SNX24: variants seen among roughly 807,000 people sequenced by gnomAD.
The protein encoded by SNX24 is sorting nexin-24.
In SNX24, 22 loss-of-function variants were observed where a neutral mutation model predicts 28.7. The ratio of observed to expected loss-of-function variants is 0.77; its 90% confidence interval spans 0.55 to 1.10. SNX24 has a LOEUF of 1.10. SNX24 is among the 50% of genes least tolerant of loss of function. The probability of loss-of-function intolerance (pLI) is 0.00; values close to 1 mark genes in which losing one functional copy is unlikely to be tolerated. For synonymous variants in SNX24, 69 were observed against 71.5 expected (o/e 0.96, Z 0.18); for missense variants, 221 against 201.1 (o/e 1.10, Z -0.60).
intron 1 of SNX24, among the ~76,000 whole-genome samples, chr5:122,860,550 A>G (rs1028153165): frequency 4.6e-5 from 7 of 152,198 alleles, no homozygotes; most frequent in African/African-American, 1.7e-4. Context: ...ACTAACAGTG[A>G]GAGGTGCATA....
intron 2 of SNX24, among the ~76,000 whole-genome samples, chr5:122,940,498 TA>T (rs1759394585): frequency 6.6e-6 from 1 of 152,192 alleles, no homozygotes; most frequent in African/African-American, 2.4e-5. Context: ...CCCTCAAGGC[TA>T]ATAATCTTAA....
chr5:123,006,584 A>G (rs1762427248), intron 6 of SNX24, among the ~76,000 whole-genome samples: 1 of 152,226 alleles, frequency 6.6e-6, no homozygotes, highest in African/African-American at 2.4e-5. Context: ...AAACTCCCTC[A>G]GTAGCTTCCC....
intron 5 of SNX24, among the ~76,000 whole-genome samples, chr5:123,021,305 C>A (rs1249358367): frequency 1.3e-5 from 2 of 152,164 alleles, no homozygotes; most frequent in Non-Finnish European, 2.9e-5. Context: ...TCCCACCCTA[C>A]AATATTGATA....
At chr5:123,023,836 A>ACC (rs1554081589) in intron 5 of SNX24, 37 of 1,602,732 alleles carry the variant, frequency 2.3e-5, no homozygotes, top group African/African-American at 6.8e-5. Context: ...ACACACACAC[A>ACC]CCCCTGCCAA....
intron 1 of SNX24, among the ~76,000 whole-genome samples, chr5:122,850,551 A>T (rs1383343027): frequency 6.6e-6 from 1 of 152,178 alleles, no homozygotes; most frequent in Non-Finnish European, 1.5e-5. Context: ...AGCGTTGAAC[A>T]TGGAAAGGAA....
At chr5:122,985,224 C>T (rs1761550401) in intron 3 of SNX24, among the ~76,000 whole-genome samples, 1 of 152,136 alleles carries the variant, frequency 6.6e-6, no homozygotes, top group Non-Finnish European at 1.5e-5. Context: ...TAGTCAGCCA[C>T]AGCATGACCT....
intron 1 of SNX24, among the ~76,000 whole-genome samples, chr5:122,926,136 A>T (rs1241725544): frequency 1.3e-5 from 2 of 152,196 alleles, no homozygotes; most frequent in Admixed American, 1.3e-4. Flanking sequence ...TGGGTAGATA[A>T]CACCTCTCTG....
intron 1 of SNX24, among the ~76,000 whole-genome samples, chr5:122,869,401 C>T (rs763355893): frequency 4.1e-4 from 62 of 152,222 alleles, no homozygotes; most frequent in Non-Finnish European, 6.9e-4. Flanking sequence ...ATTCAGATAC[C>T]AGGAAACCTG....
chr5:122,877,387 A>G (rs1163729868), intron 1 of SNX24, among the ~76,000 whole-genome samples: 2 of 152,154 alleles, frequency 1.3e-5, no homozygotes, highest in African/African-American at 4.8e-5. Context: ...GGTATGCAGA[A>G]TGTTTCCAAA....
intron 1 of SNX24, among the ~76,000 whole-genome samples, chr5:122,876,958 G>A (rs1321845601): frequency 6.6e-6 from 1 of 152,208 alleles, no homozygotes; most frequent in Non-Finnish European, 1.5e-5. Context: ...GAGGTCAGTG[G>A]TGGTTAGAGA....
intron 5 of SNX24, among the ~76,000 whole-genome samples, chr5:123,018,202 G>A (rs1223619873): frequency 6.6e-6 from 1 of 151,914 alleles, no homozygotes; most frequent in Non-Finnish European, 1.5e-5. Flanking sequence ...CAGGAGTTCT[G>A]AAGTCTTTGT....
chr5:122,946,014 G>GA, intron 2 of SNX24, 41 bp from the exon 3 acceptor site: 1 of 877,522 alleles, frequency 1.1e-6, no homozygotes. Flanking sequence ...AGACATCTCT[G>GA]TTTTTTTTTT....
intron 1 of SNX24, among the ~76,000 whole-genome samples, chr5:122,867,145 T>C (rs961119437): frequency 1.3e-5 from 2 of 152,334 alleles, no homozygotes; most frequent in East Asian, 3.9e-4. Flanking sequence ...TAGCTAGCAC[T>C]GTAACTGAGT....
chr5:122,975,220 T>G (rs1761118319), intron 3 of SNX24, among the ~76,000 whole-genome samples: 1 of 152,234 alleles, frequency 6.6e-6, no homozygotes, highest in Non-Finnish European at 1.5e-5. Context: ...GTCCTGTATG[T>G]CACCCATCTG....
Position 123,016,522 on chromosome 5 carries a change from T to C in SNX24, n.384-12716T>C, listed in dbSNP as rs144193694. On this transcript the variant is annotated intron_variant and non_coding_transcript_variant, in intron 5 of 5. Transcript: ENST00000502387. ...AATGGCTCACACTTTATCTGAGTTATTTTTAAAAGACTACTGCAGTTGCTT... is the reference window on the plus strand; with the variant it reads ...AATGGCTCACACTTTATCTGAGTTACTTTTAAAAGACTACTGCAGTTGCTT... 8.4e-3 allele frequency among the ~76,000 whole-genome samples: 1,281 copies of C among 152,264 alleles called. 23 individuals carry two copies. Among genetic ancestry groups the C allele is most frequent in the African/African-American group, 0.03 (1,228 of 41,532 alleles).
At chr5:122,904,174 CT>C (rs1249478670) in intron 1 of SNX24, among the ~76,000 whole-genome samples, 25 of 146,924 alleles carry the variant, frequency 1.7e-4, no homozygotes, top group Middle Eastern at 3.2e-3. Flanking sequence ...AATACCTAGT[CT>C]TTTTTTTTTG....
At chr5:122,960,814 A>G (rs189758430) in intron 3 of SNX24, among the ~76,000 whole-genome samples, 2 of 152,314 alleles carry the variant, frequency 1.3e-5, no homozygotes, top group East Asian at 1.9e-4. Context: ...AAGACTCACA[A>G]ACTACTACAT....
chr5:123,007,563 G>A, intron 6 of SNX24, 119 bp from the exon 7 acceptor site: 2 of 929,060 alleles, frequency 2.2e-6, no homozygotes, highest in Admixed American at 2.9e-5. Context: ...TGGCGATGCA[G>A]ATTCCTGTGT....
chr5:122,889,270 T>G (rs942887066), intron 1 of SNX24, among the ~76,000 whole-genome samples: 4 of 152,160 alleles, frequency 2.6e-5, no homozygotes, highest in African/African-American at 9.7e-5. Flanking sequence ...CACTTTTGCT[T>G]TATTATTTCC....
Sources: gnomAD v4.1 joint callset for allele counts (sites outside exome capture counted in the v4.1 genomes callset) on GRCh38, gnomAD v4.1.1 for gene constraint, MANE v1.5 for transcripts, NCBI Gene and HGNC (gene_info 2026-07-23, HGNC 2026-07-21) for gene names.